PRG4: variants seen among roughly 807,000 people sequenced by gnomAD.
PRG4 encodes articular superficial zone protein.
In PRG4, 61 loss-of-function variants were observed where a neutral mutation model predicts 91.2. That is an observed-to-expected ratio of 0.67 (90% CI 0.54 to 0.83). The LOEUF is 0.83. Among genes scored for constraint, PRG4 ranks in the 40% least tolerant of loss-of-function variants. PRG4 has a pLI of 0.00. For missense variants in PRG4, 1,564 were observed against 1,714.2 expected, an observed-to-expected ratio of 0.91 and a Z score of 1.55; for synonymous variants, 576 against 614.2, an observed-to-expected ratio of 0.94 and a Z score of 0.92.
chr1:186,304,798 T>C lies in PRG4; in HGVS notation c.474T>C (p.His158=), dbSNP rs1557934723. ...VIESEEITEE[H]SVSENQESSS... ...AACTTTCTATTTGATTTATAGAACA[T>C]TCTGTTTCTGAAAATCAAGAGTCCT... The change falls in exon 6 of 13, where the codon CAT becomes CAC. Residue 158 remains histidine (H), a synonymous_variant. Transcript: ENST00000445192. The C allele has an allele frequency of 6.2e-7, 1 of 1,611,464 alleles. No individual in the cohort carries two copies. The highest frequency in any genetic ancestry group is 8.5e-7 in the Non-Finnish European group (1 of 1,177,796).
Position 186,309,842 on chromosome 1 carries a change from G to A in PRG4, c.3471G>A (p.Leu1157=). The A allele has an allele frequency of 6.2e-7, 1 of 1,613,758 alleles. No homozygotes were observed. Among genetic ancestry groups the A allele is most frequent in the Non-Finnish European group, 8.5e-7 (1 of 1,179,802 alleles). The change falls in exon 8 of 13, where the codon TTG becomes TTA. Residue 1157 remains leucine, a synonymous_variant. Coordinates refer to ENST00000445192, the MANE Select transcript of PRG4 (RefSeq NM_005807.6). ...NGKPVDGLTT[L]RNGTLVAFRG... ...AGCCAGTAGATGGACTGACTACTTT[G>A]CGCAATGGGACATTAGTTGCATTCC...
chr1:186,309,263 G>C (rs1340274064), intron 7 of PRG4, 123 bp downstream of exon 7: 2 of 1,044,020 alleles, frequency 1.9e-6, no homozygotes, highest in African/African-American at 3.2e-5. Context: ...GTTAGCTTGT[G>C]AAGTTTTACA....
intron 2 of PRG4, among the ~76,000 whole-genome samples, 176 bp from the exon 3 acceptor site, chr1:186,299,915 A>G (rs1656089032): frequency 6.6e-6 from 1 of 152,192 alleles, no homozygotes; most frequent in African/African-American, 2.4e-5. Flanking sequence ...AAGTGACATA[A>G]TTGAGATCAC....
At chr1:186,311,921 C>T in intron 10 of PRG4, 1 of 540,002 alleles carries the variant, frequency 1.9e-6, no homozygotes, top group East Asian at 3.2e-5. Context: ...TGCTGCCAAA[C>T]TGAGCACTTG....
chr1:186,311,541 G>A lies in PRG4; in HGVS notation c.3738G>A (p.Ala1246=), dbSNP rs779247168. Residue 1246 remains alanine, a synonymous_variant, in exon 10 of 13, where the codon GCG becomes GCA. Transcript: ENST00000445192. ...FGGLTGQIVA[A]LSTAKYKNWP... ...GACTAACTGGACAAATAGTGGCAGCGCTTTCAACAGCTAAATATAAGAACT... is the reference window on the plus strand; with the variant it reads ...GACTAACTGGACAAATAGTGGCAGCACTTTCAACAGCTAAATATAAGAACT... 5 of 1,613,910 alleles carry A rather than the reference G, an allele frequency of 3.1e-6. No homozygotes were observed. Among genetic ancestry groups the A allele is most frequent in the East Asian group, 2.2e-5 (1 of 44,844 alleles).
chr1:186,300,010 G>A, intron 2 of PRG4, 81 bp from the exon 3 acceptor site: 2 of 1,513,772 alleles, frequency 1.3e-6, no homozygotes, highest in Non-Finnish European at 1.8e-6. Flanking sequence ...CTCTCACCAA[G>A]TGGCTTTGTC....
chr1:186,303,557 A>C (rs778610664), intron 4 of PRG4, among the ~76,000 whole-genome samples: 6 of 152,138 alleles, frequency 3.9e-5, no homozygotes, highest in Non-Finnish European at 5.9e-5. Flanking sequence ...CCAAACCATT[A>C]AGTTGTATCT....
Position 186,309,054 on chromosome 1 carries a change from A to G in PRG4, c.3335A>G (p.His1112Arg). ...ACACCTCATATGCTTCTCAGGCCCC[A>G]TGTGTTCATGCCTGAAGTTACTCCC... The part of the protein sequence containing the change: ...GETPHMLLRP[H>R]VFMPEVTPDM... The change falls in exon 7 of 13, where the codon CAT (histidine) becomes CGT (arginine). Residue 1112 changes from histidine to arginine, a missense_variant. Coordinates refer to ENST00000445192, the MANE Select transcript of PRG4 (RefSeq NM_005807.6). 6.2e-7 allele frequency: 1 copy of G among 1,613,956 alleles called. No homozygotes were observed. Among genetic ancestry groups the G allele is most frequent in the Non-Finnish European group, 8.5e-7 (1 of 1,179,906 alleles).
rs1449941917 is a variant in PRG4 at position 186,306,226 on chromosome 1, C to T, written c.599-92C>T. On this transcript the variant is annotated intron_variant, in intron 6 of 12. Transcript: ENST00000445192. ...GAGATTAGCAATTTGCTTAGAAACA[C>T]ACAACTAGTCAATGATAAAGATGGG... 2.8e-5 allele frequency: 30 copies of T among 1,073,740 alleles called. 1 individual carries two copies. In the South Asian group the frequency reaches 4.7e-4, roughly 17 times the overall value. The allele number at this position is 1,073,740 out of a possible 1,614,324, so 66.5% of individuals were successfully genotyped here. A position where few individuals can be genotyped will look rare whatever the true frequency, so the allele number is the denominator to read the frequency against.
chr1:186,300,884 G>T (rs1352796695), intron 3 of PRG4, among the ~76,000 whole-genome samples: 1 of 152,164 alleles, frequency 6.6e-6, no homozygotes, highest in Non-Finnish European at 1.5e-5. Flanking sequence ...AGGTGTATTT[G>T]CTTTAGAATT....
At chr1:186,305,642 T>A (rs967597084) in intron 6 of PRG4, among the ~76,000 whole-genome samples, 18 of 152,230 alleles carry the variant, frequency 1.2e-4, no homozygotes, top group Admixed American at 3.3e-4. Context: ...AGGCATTTAA[T>A]CTTTTAGTCA....
intron 9 of PRG4, 55 bp from the exon 10 acceptor site, chr1:186,311,385 T>G: frequency 6.4e-7 from 1 of 1,563,954 alleles, no homozygotes; most frequent in African/African-American, 1.4e-5. Flanking sequence ...TAGAAAGGAG[T>G]TCCAAATCTT....
Position 186,312,805 on chromosome 1 carries a change from G to A in PRG4, c.4028G>A (p.Trp1343Ter). ...LHNEVKVSIL[W>*]RGLPNVVTSA... ...AATGAAGTTAAAGTGAGTATACTGTGGAGAGGACTTCCAAATGTGGTTACC... is the reference window on the plus strand; with the variant it reads ...AATGAAGTTAAAGTGAGTATACTGTAGAGAGGACTTCCAAATGTGGTTACC... Residue 1343 changes from tryptophan to a stop codon, truncating the protein, a stop_gained, in exon 12 of 13, where the codon TGG becomes TAG. Transcript: ENST00000445192. LOFTEE classifies it high-confidence loss of function. 1.2e-6 allele frequency: 2 copies of A among 1,612,292 alleles called. No homozygotes were observed. Among genetic ancestry groups the A allele is most frequent in the Non-Finnish European group, 1.7e-6 (2 of 1,178,422 alleles).
rs746583527 is a variant in PRG4 at position 186,310,657 on chromosome 1, AT to A, written c.3500-368del. On this transcript the variant is annotated intron_variant, in intron 8 of 12. Coordinates refer to ENST00000445192, the MANE Select transcript of PRG4 (RefSeq NM_005807.6). ...ACCACCATGCCTGGCTAATTTTTGTATTTTTTTTTGTATTTTTTTTTTTTTG... is the reference window on the plus strand; with the variant it reads ...ACCACCATGCCTGGCTAATTTTTGTATTTTTTTTGTATTTTTTTTTTTTTG... Among the ~76,000 whole-genome samples the A allele has an allele frequency of 2.8e-3, 375 of 135,922 alleles. 3 individuals carry two copies. Among genetic ancestry groups the A allele is most frequent in the Non-Finnish European group, 4.4e-3 (280 of 64,162 alleles). 89.2% of individuals were successfully genotyped at this position (135,922 alleles called of 152,430 possible).
At chr1:186,305,098 G>A (rs1046206800) in intron 6 of PRG4, among the ~76,000 whole-genome samples, 176 bp downstream of exon 6, 3 of 152,170 alleles carry the variant, frequency 2.0e-5, no homozygotes, top group African/African-American at 4.8e-5. Flanking sequence ...TTAGTGCCAA[G>A]CGGCTAAGAA....
intron 5 of PRG4, 47 bp downstream of exon 5, chr1:186,304,304 A>G: frequency 6.4e-7 from 1 of 1,569,288 alleles, no homozygotes; most frequent in Admixed American, 1.7e-5. Flanking sequence ...TAGATGAAGT[A>G]ACTTGTAGGT....
chr1:186,300,065 T>C, intron 2 of PRG4, 26 bp from the exon 3 acceptor site: 2 of 1,613,696 alleles, frequency 1.2e-6, no homozygotes, highest in Non-Finnish European at 1.7e-6. Context: ...TTTGGCCATA[T>C]TTACGCCAGT....
At chr1:186,312,035 T>C (rs1657284559) in intron 10 of PRG4, 140 bp from the exon 11 acceptor site, 1 of 664,790 alleles carries the variant, frequency 1.5e-6, no homozygotes, top group Non-Finnish European at 2.6e-6. Flanking sequence ...CCTTGACTAA[T>C]AGCCATTATT....
At chr1:186,297,439 G>C (rs1655930714) in intron 2 of PRG4, among the ~76,000 whole-genome samples, 1 of 152,106 alleles carries the variant, frequency 6.6e-6, no homozygotes, top group Admixed American at 6.5e-5. Context: ...TATTAGTCTT[G>C]AAAATGTTCT....
Sources: gnomAD v4.1 joint callset for allele counts (sites outside exome capture counted in the v4.1 genomes callset) on GRCh38, gnomAD v4.1.1 for gene constraint, MANE v1.5 for transcripts, NCBI Gene and HGNC (gene_info 2026-07-23, HGNC 2026-07-21) for gene names.